Variants in SYNCRIP observed in about 807,000 individuals in gnomAD.
SYNCRIP encodes synaptotagmin binding cytoplasmic RNA interacting protein.
SYNCRIP carries 9 observed loss-of-function variants against 68.9 expected under a neutral mutation model. The ratio of observed to expected loss-of-function variants is 0.13; its 90% confidence interval spans 0.08 to 0.23. SYNCRIP has a LOEUF of 0.23. Among genes scored for constraint, SYNCRIP ranks in the 10% least tolerant of loss-of-function variants. The pLI is 1.00. For synonymous variants in SYNCRIP, 258 were observed against 254.0 expected, an observed-to-expected ratio of 1.02 and a Z score of -0.15; for missense variants, 414 against 770.6, an observed-to-expected ratio of 0.54 and a Z score of 5.48.
chr6:85,640,644 CAT>C (rs1365737771), intron 2 of SYNCRIP, 80 bp from the exon 3 acceptor site: 2 of 766,800 alleles, frequency 2.6e-6, no homozygotes, highest in African/African-American at 1.8e-5. Flanking sequence ...AATACAGGTA[CAT>C]GTGTGCCTTT....
chr6:85,611,897 GT>G (rs558212432), downstream of SYNCRIP: 16 of 152,558 alleles, frequency 1.0e-4, no homozygotes, highest in Non-Finnish European at 2.1e-4. Context: ...AGGCTTCGCT[GT>G]ACAATTGTCA....
Position 85,614,078 on chromosome 6 carries a change from T to C in SYNCRIP, c.*678A>G. The stretch of plus-strand genomic sequence containing the variant: ...AAAACTGCAATAAATCAGTGTTGTG[T>C]AATGTGCAGACATATTCCACACAAG... On this transcript the variant is annotated 3_prime_UTR_variant, in exon 11 of 11. Transcript: ENST00000369622. 2 of 985,892 alleles carry C rather than the reference T, an allele frequency of 2.0e-6. No individual in the cohort carries two copies. The highest frequency in any genetic ancestry group is 2.4e-6 in the Non-Finnish European group (2 of 829,938). The allele number at this position is 985,892 out of a possible 1,614,324, so 61.1% of individuals were successfully genotyped here.
At chr6:85,641,235 A>G in intron 2 of SYNCRIP, 57 bp downstream of exon 2, 1 of 1,498,524 alleles carries the variant, frequency 6.7e-7, no homozygotes, top group Non-Finnish European at 9.1e-7. Flanking sequence ...TTTAGCTCAA[A>G]GCCAGAAATC....
At chr6:85,628,455 C>A (rs1185358274) in intron 6 of SYNCRIP, among the ~76,000 whole-genome samples, 1 of 152,130 alleles carries the variant, frequency 6.6e-6, no homozygotes, top group Non-Finnish European at 1.5e-5. Flanking sequence ...TTTCATATAC[C>A]TGGCACACAA....
intron 6 of SYNCRIP, among the ~76,000 whole-genome samples, chr6:85,633,485 G>A (rs1030767231): frequency 6.6e-6 from 1 of 151,750 alleles, no homozygotes; most frequent in African/African-American, 2.4e-5. Flanking sequence ...CAGCTACTCA[G>A]GGGGCTGAAA....
rs777861564 is a variant in SYNCRIP, at chr6:85,615,243, C to G, written c.1385G>C (p.Gly462Ala). 1.2e-6 allele frequency: 2 copies of G among 1,607,426 alleles called. No homozygotes were observed. Among genetic ancestry groups the G allele is most frequent in the South Asian group, 2.2e-5 (2 of 90,638 alleles). Residue 462 changes from glycine (G) to alanine (A), a missense_variant, in exon 11 of 11, where the codon GGA becomes GCA. By Grantham distance (60) the Gly-to-Ala change is moderately conservative (BLOSUM62 0). Around this residue, in one of 6 missense-constraint regions of SYNCRIP, gnomAD observed 72 missense variants for 119.8 expected, o/e 0.60. Coordinates refer to ENST00000369622, the MANE Select transcript of SYNCRIP (RefSeq NM_006372.5). ...GGYGYPPDYY[G>A]YEDYYDYYGY... ...ATAATAATCATAATAATCTTCATATCCATAATAATCTGGAGGATATCCATA... is the reference window on the plus strand; with the variant it reads ...ATAATAATCATAATAATCTTCATATGCATAATAATCTGGAGGATATCCATA...
intron 6 of SYNCRIP, among the ~76,000 whole-genome samples, chr6:85,630,158 G>A (rs1807563459): frequency 6.6e-6 from 1 of 151,880 alleles, no homozygotes. Flanking sequence ...TCAGGAGATA[G>A]AGACCATCCT....
chr6:85,633,466 C>T (rs1008212555), intron 6 of SYNCRIP, among the ~76,000 whole-genome samples: 8 of 151,738 alleles, frequency 5.3e-5, no homozygotes, highest in African/African-American at 1.9e-4. Flanking sequence ...TGGTGTGCAC[C>T]TGTAATCCCA....
At chr6:85,639,528 G>A (rs1808880528) in intron 4 of SYNCRIP, among the ~76,000 whole-genome samples, 1 of 152,040 alleles carries the variant, frequency 6.6e-6, no homozygotes, top group Non-Finnish European at 1.5e-5. Flanking sequence ...AATGCTCAAG[G>A]CCTATACCCT....
chr6:85,626,115 T>TA (rs1269167185), intron 6 of SYNCRIP, among the ~76,000 whole-genome samples: 1 of 152,216 alleles, frequency 6.6e-6, no homozygotes, highest in East Asian at 1.9e-4. Context: ...ACCAGACTAA[T>TA]AATCTTTTAA....
At chr6:85,621,206 C>T (rs1806345197) in intron 8 of SYNCRIP, among the ~76,000 whole-genome samples, 1 of 152,158 alleles carries the variant, frequency 6.6e-6, no homozygotes. Flanking sequence ...TCTCTAAGAC[C>T]ACTTATCCTT....
chr6:85,642,323 G>A (rs939993907), intron 1 of SYNCRIP, among the ~76,000 whole-genome samples: 2 of 152,240 alleles, frequency 1.3e-5, no homozygotes, highest in African/African-American at 4.8e-5. Flanking sequence ...GTGGCGCGCT[G>A]TGCAGGTCCC....
At chr6:85,611,870 C>T (rs1272712194), downstream of SYNCRIP, 1 of 152,530 alleles carries the variant, frequency 6.6e-6, no homozygotes, top group Non-Finnish European at 1.5e-5. Flanking sequence ...GAAAAAACTT[C>T]AAAATATCCA....
chr6:85,629,677 C>T (rs1429412515), intron 6 of SYNCRIP, among the ~76,000 whole-genome samples: 2 of 151,946 alleles, frequency 1.3e-5, no homozygotes, highest in South Asian at 4.1e-4. Flanking sequence ...CAAAAATTAG[C>T]CAGGCGTGGT....
chr6:85,627,209 A>G (rs1315740160), intron 6 of SYNCRIP, among the ~76,000 whole-genome samples: 4 of 150,174 alleles, frequency 2.7e-5, no homozygotes, highest in Non-Finnish European at 4.4e-5. Flanking sequence ...CAGGGGTTGC[A>G]GTGAGCCCAG....
At chr6:85,629,790 C>A (rs913656922) in intron 6 of SYNCRIP, among the ~76,000 whole-genome samples, 2 of 152,028 alleles carry the variant, frequency 1.3e-5, no homozygotes, top group Non-Finnish European at 2.9e-5. Context: ...CCACTGCAAT[C>A]CAGCCTGGGC....
Position 85,640,548 on chromosome 6 carries a change from A to C in SYNCRIP, c.165T>G (p.Ser55Arg). The C allele has an allele frequency of 6.3e-7, 1 of 1,578,450 alleles. No homozygotes were observed. The highest frequency in any genetic ancestry group is 1.2e-5 in the South Asian group (1 of 85,416). ...EIYVAGLVAH[S>R]DLDERAIEAL... ...CTTCAATAGCTCTTTCATCTAAATC[A>C]CTATGTGCAACTAGCCCTGAAAAAA... The change falls in exon 3 of 11, where the codon AGT becomes AGG. Residue 55 changes from serine to arginine, a missense_variant. By Grantham distance (110) the Ser-to-Arg change is moderately radical. Transcript: ENST00000369622.
chr6:85,618,700 CAA>C (rs2128281623), intron 10 of SYNCRIP, 116 bp downstream of exon 10: 1 of 824,664 alleles, frequency 1.2e-6, no homozygotes, highest in South Asian at 2.1e-5. Context: ...CTCAAACGTT[CAA>C]GTCTTCTTTA....
At chr6:85,609,993 AG>A (rs1316903385), downstream of SYNCRIP, 1 of 151,928 alleles carries the variant, frequency 6.6e-6, no homozygotes, top group Non-Finnish European at 1.5e-5. Flanking sequence ...TTTTTACTAA[AG>A]GATTAGTTAT....
Sources: gnomAD v4.1 joint callset for allele counts (sites outside exome capture counted in the v4.1 genomes callset) on GRCh38, gnomAD v4.1.1 for gene constraint, gnomAD v4.1.1 regional missense constraint, MANE v1.5 for transcripts, NCBI Gene and HGNC (gene_info 2026-07-23, HGNC 2026-07-21) for gene names.